Variants in ERC1 observed in about 807,000 individuals in gnomAD.
ERC1 encodes the protein ELKS/RAB6-interacting/CAST family member 1, also known as RAB6 interacting protein 2.
ERC1 carries 56 observed loss-of-function variants against 132.0 expected under a neutral mutation model. That is an observed-to-expected ratio of 0.42 (90% CI 0.34 to 0.53). ERC1 has a LOEUF of 0.53. Ranked by LOEUF, ERC1 falls within the 20% of genes least tolerant of loss-of-function variation. The probability of loss-of-function intolerance (pLI) is 0.03; values close to 1 mark genes in which losing one functional copy is unlikely to be tolerated. For synonymous variants in ERC1, 478 were observed against 476.1 expected (o/e 1.00, Z -0.05); for missense variants, 1,202 against 1,349.9 (o/e 0.89, Z 1.72).
intron 2 of ERC1, among the ~76,000 whole-genome samples, chr12:1,062,273 C>T (rs562581646): frequency 4.6e-5 from 7 of 152,136 alleles, no homozygotes; most frequent in South Asian, 2.1e-4. Context: ...TGAGCCAATG[C>T]GCCCGGCCTT....
intron 12 of ERC1, chr12:1,204,088 A>C (rs1343405723): frequency 6.3e-6 from 1 of 158,492 alleles, no homozygotes; most frequent in African/African-American, 2.4e-5. Flanking sequence ...AGGCGTAGTT[A>C]GTTATAAGGT....
intron 5 of ERC1, among the ~76,000 whole-genome samples, chr12:1,110,859 C>T (rs552572837): frequency 6.6e-6 from 1 of 152,196 alleles, no homozygotes; most frequent in African/African-American, 2.4e-5. Flanking sequence ...CGTACCACCA[C>T]ACCTGGCTAA....
intron 12 of ERC1, among the ~76,000 whole-genome samples, chr12:1,219,272 T>C (rs1037798017): frequency 1.3e-5 from 2 of 152,194 alleles, no homozygotes; most frequent in Non-Finnish European, 2.9e-5. Context: ...ACTTATTACC[T>C]ACACAATGTC....
At chr12:1,446,212 G>A (rs1485681029) in intron 18 of ERC1, among the ~76,000 whole-genome samples, 3 of 152,088 alleles carry the variant, frequency 2.0e-5, no homozygotes. Context: ...AAAAGACAGG[G>A]TAAGGCTAGC....
At chr12:1,166,399 G>A (rs190652471) in intron 8 of ERC1, among the ~76,000 whole-genome samples, 94 of 152,246 alleles carry the variant, frequency 6.2e-4, no homozygotes, top group African/African-American at 2.2e-3. Context: ...CTATTCATGT[G>A]CAACTGTAAG....
chr12:1,448,532 G>A (rs1233622765), intron 18 of ERC1, among the ~76,000 whole-genome samples: 1 of 152,246 alleles, frequency 6.6e-6, no homozygotes, highest in Non-Finnish European at 1.5e-5. Context: ...AACAGAAGAT[G>A]TGAGTCACTG....
intron 8 of ERC1, among the ~76,000 whole-genome samples, chr12:1,173,322 G>A (rs1953291219): frequency 6.6e-6 from 1 of 152,126 alleles, no homozygotes; most frequent in African/African-American, 2.4e-5. Context: ...TACCTGGCAT[G>A]TTTTTAAGTG....
At chr12:1,191,849 T>C (rs1302890091) in intron 12 of ERC1, among the ~76,000 whole-genome samples, 1 of 149,544 alleles carries the variant, frequency 6.7e-6, no homozygotes, top group East Asian at 1.9e-4. Context: ...TCTTGGCTAC[T>C]GGAAAAAAAA....
intron 2 of ERC1, among the ~76,000 whole-genome samples, chr12:1,044,770 A>G (rs1344055374): frequency 1.3e-5 from 2 of 152,176 alleles, no homozygotes; most frequent in East Asian, 1.9e-4. Context: ...AATAAGTTTC[A>G]TTTGGATAAC....
intron 17 of ERC1, chr12:1,444,171 C>G (rs76103466): frequency 0.011 from 1,770 of 155,394 alleles, 24 homozygotes; most frequent in African/African-American, 0.038. Context: ...GTTTCACTAG[C>G]AGTTTTTTGT....
chr12:1,137,936 TATATA>T (rs1383290659), intron 7 of ERC1, among the ~76,000 whole-genome samples: 6 of 139,500 alleles, frequency 4.3e-5, no homozygotes, highest in South Asian at 2.1e-4. Flanking sequence ...TATTATATAA[TATATA>T]ATATATTTAT....
At chr12:1,113,351 G>A (rs575844944) in intron 6 of ERC1, among the ~76,000 whole-genome samples, 3 of 152,250 alleles carry the variant, frequency 2.0e-5, no homozygotes, top group South Asian at 2.1e-4. Context: ...AATTATAGAC[G>A]AGGAAACTGA....
chr12:1,051,817 C>T (rs1315868654), intron 2 of ERC1, among the ~76,000 whole-genome samples: 5 of 152,138 alleles, frequency 3.3e-5, no homozygotes, highest in Non-Finnish European at 7.3e-5. Context: ...GGCACCGTGT[C>T]CTTATGATCG....
intron 14 of ERC1, among the ~76,000 whole-genome samples, chr12:1,286,130 C>G (rs1041963621): frequency 6.6e-6 from 1 of 151,834 alleles, no homozygotes; most frequent in Non-Finnish European, 1.5e-5. Flanking sequence ...CCCGTCTCTA[C>G]TAAAAACACA....
At chr12:1,288,103 A>G (rs1172809157) in intron 14 of ERC1, among the ~76,000 whole-genome samples, 1 of 152,206 alleles carries the variant, frequency 6.6e-6, no homozygotes, top group Non-Finnish European at 1.5e-5. Context: ...GTTCTTATCC[A>G]TTACTGATTT....
intron 16 of ERC1, among the ~76,000 whole-genome samples, chr12:1,393,309 C>T (rs1427495743): frequency 1.3e-5 from 2 of 152,158 alleles, no homozygotes; most frequent in African/African-American, 4.8e-5. Context: ...GCAAGAGGAT[C>T]ACTTGAGCCC....
chr12:1,104,971 T>C (rs1945089877), intron 4 of ERC1, 147 bp downstream of exon 4: 1 of 573,646 alleles, frequency 1.7e-6, no homozygotes, highest in Non-Finnish European at 3.1e-6. Flanking sequence ...AAATGACATC[T>C]TAAAAGAATT....
At chr12:1,306,507 G>T (rs143386161) in intron 15 of ERC1, among the ~76,000 whole-genome samples, 1 of 152,282 alleles carries the variant, frequency 6.6e-6, no homozygotes, top group East Asian at 1.9e-4. Flanking sequence ...TTCTAGGTCT[G>T]ATTTTTTTGT....
intron 15 of ERC1, among the ~76,000 whole-genome samples, chr12:1,365,900 G>GAA (rs973271402): frequency 7.2e-5 from 11 of 152,178 alleles, no homozygotes; most frequent in African/African-American, 2.7e-4. Context: ...TGAAAAAGGA[G>GAA]ATTCAGCCAC....
Sources: allele counts gnomAD v4.1 joint callset (sites outside exome capture counted in the v4.1 genomes callset), GRCh38; gene constraint gnomAD v4.1.1; transcripts MANE v1.5; gene names NCBI Gene and HGNC (gene_info 2026-07-23, HGNC 2026-07-21).